Variants in MYO1B observed in about 807,000 individuals in gnomAD.
MYO1B encodes the protein myosin IB, also known as unconventional myosin-Ib.
A neutral mutation model predicts 159.7 loss-of-function variants in MYO1B; 72 were observed. The observed-to-expected ratio is 0.45, with a 90% CI of 0.37 to 0.55. The LOEUF (loss-of-function observed/expected upper bound fraction) is 0.55, where lower values mean the gene tolerates loss of function less well. Ranked by LOEUF, MYO1B falls within the 20% of genes least tolerant of loss-of-function variation. MYO1B has a pLI of 0.00. For synonymous variants in MYO1B, 468 were observed against 473.8 expected, an observed-to-expected ratio of 0.99 and a Z score of 0.16; for missense variants, 1,062 against 1,364.8, an observed-to-expected ratio of 0.78 and a Z score of 3.50.
intron 3 of MYO1B, among the ~76,000 whole-genome samples, chr2:191,318,620 G>A (rs747986369): frequency 1.3e-5 from 2 of 152,162 alleles, no homozygotes; most frequent in African/African-American, 4.8e-5. Flanking sequence ...CTGCAGATAC[G>A]TAGTAATAAA....
chr2:191,400,654 T>G, intron 22 of MYO1B, 95 bp from the exon 23 acceptor site: 1 of 1,432,334 alleles, frequency 7.0e-7, no homozygotes, highest in Non-Finnish European at 9.7e-7. Context: ...CATTTGGTGG[T>G]GACTAGTGTC....
At chr2:191,419,425 A>T (rs1246752282) in intron 30 of MYO1B, among the ~76,000 whole-genome samples, 1 of 151,984 alleles carries the variant, frequency 6.6e-6, no homozygotes, top group African/African-American at 2.4e-5. Flanking sequence ...TCATCGTGTT[A>T]GCCAGGATGG....
intron 3 of MYO1B, among the ~76,000 whole-genome samples, chr2:191,296,713 A>G (rs974581997): frequency 1.3e-5 from 2 of 152,186 alleles, no homozygotes; most frequent in Admixed American, 6.5e-5. Flanking sequence ...CTTACTCTGG[A>G]AAGTCACTTG....
intron 19 of MYO1B, 81 bp downstream of exon 19, chr2:191,392,282 C>T: frequency 5.8e-6 from 6 of 1,036,012 alleles, no homozygotes; most frequent in Non-Finnish European, 8.5e-6. Flanking sequence ...AACTTTATAA[C>T]ATTATATGAG....
chr2:191,362,453 C>A, intron 9 of MYO1B, 82 bp downstream of exon 9: 1 of 1,010,792 alleles, frequency 9.9e-7, no homozygotes, highest in African/African-American at 1.6e-5. Flanking sequence ...TCTGAGTTTT[C>A]TTTAAAGTGT....
At chr2:191,361,335 T>C (rs936637351) in intron 8 of MYO1B, among the ~76,000 whole-genome samples, 1 of 152,132 alleles carries the variant, frequency 6.6e-6, no homozygotes, top group Non-Finnish European at 1.5e-5. Context: ...AGGTGAATAT[T>C]TAAGAATAGT....
At chr2:191,246,224 T>G (rs1395021913) in intron 1 of MYO1B, 6 of 151,916 alleles carry the variant, frequency 3.9e-5, no homozygotes. Flanking sequence ...GGGATGGGAT[T>G]GATTCACGGT....
At chr2:191,348,309 A>G (rs759187381) in intron 6 of MYO1B, among the ~76,000 whole-genome samples, 1 of 152,158 alleles carries the variant, frequency 6.6e-6, no homozygotes, top group Non-Finnish European at 1.5e-5. Context: ...AATCACCATC[A>G]TCATCATACA....
In MYO1B at chr2:191,387,188, A is replaced by G. The variant is rs377450701; in HGVS notation, c.1555-36A>G. 1.2e-4 allele frequency: 194 copies of G among 1,579,318 alleles called. 2 individuals are homozygous for G. In the Admixed American group the frequency reaches 1.5e-3, roughly 13 times the overall value. On this transcript the variant is annotated intron_variant, in intron 16 of 30. Coordinates refer to ENST00000392318, the MANE Select transcript of MYO1B (RefSeq NM_001130158.3). Reference sequence around the variant, plus strand: ...TAGTTGTTTGACATTATAGCATGCAATGTGCCTGTCATTGAGTTACATGTG... The same window carrying G: ...TAGTTGTTTGACATTATAGCATGCAGTGTGCCTGTCATTGAGTTACATGTG...
At chr2:191,261,475 A>G (rs116195307) in intron 1 of MYO1B, among the ~76,000 whole-genome samples, 11,529 of 152,264 alleles carry the variant, frequency 0.076, 1,404 homozygotes, top group African/African-American at 0.26. Flanking sequence ...TACTGGCTCA[A>G]AGCAGTAACC....
intron 1 of MYO1B, among the ~76,000 whole-genome samples, chr2:191,254,623 A>G (rs1686327945): frequency 6.6e-6 from 1 of 151,794 alleles, no homozygotes; most frequent in African/African-American, 2.4e-5. Flanking sequence ...CTCCCACCTC[A>G]GCTTCCCAAG....
intron 11 of MYO1B, among the ~76,000 whole-genome samples, chr2:191,367,272 AG>A (rs1167812293): frequency 6.6e-6 from 1 of 152,164 alleles, no homozygotes; most frequent in Non-Finnish European, 1.5e-5. Context: ...TCAGGAAGTC[AG>A]GGGTGGCACA....
intron 1 of MYO1B, among the ~76,000 whole-genome samples, chr2:191,272,189 GTTC>G (rs1687492139): frequency 6.6e-6 from 1 of 152,184 alleles, no homozygotes; most frequent in Non-Finnish European, 1.5e-5. Context: ...AATATATTTT[GTTC>G]TTCTTGGATG....
chr2:191,311,650 G>A (rs1202183208), intron 3 of MYO1B, among the ~76,000 whole-genome samples: 1 of 152,136 alleles, frequency 6.6e-6, no homozygotes, highest in Non-Finnish European at 1.5e-5. Context: ...TTTCTCATGT[G>A]AATAGCATTA....
intron 3 of MYO1B, among the ~76,000 whole-genome samples, chr2:191,302,256 C>T (rs992989355): frequency 6.6e-6 from 1 of 152,134 alleles, no homozygotes; most frequent in African/African-American, 2.4e-5. Context: ...TTGGTGTCAC[C>T]CTCTTGAATG....
At position 191,413,770 on chromosome 2, in the gene MYO1B, A is replaced by G. The variant is rs571912049; in HGVS notation, c.2874-278A>G. ...TACTTGAGTCTTAGCTGTTGTTCTT[A>G]TGAGTGATTTCTGTCTTGATTGTTC... On this transcript the variant is annotated intron_variant, in intron 27 of 30. Coordinates refer to ENST00000392318, the MANE Select transcript of MYO1B (RefSeq NM_001130158.3). 2.0e-5 allele frequency among the ~76,000 whole-genome samples: 3 copies of G among 152,240 alleles called. No homozygotes were observed. In the South Asian group the frequency reaches 6.2e-4, roughly 32 times the overall value.
intron 21 of MYO1B, among the ~76,000 whole-genome samples, chr2:191,399,627 G>A (rs1210665886): frequency 6.6e-6 from 1 of 152,214 alleles, no homozygotes; most frequent in East Asian, 1.9e-4. Flanking sequence ...GTAGTGCCCA[G>A]GCCTGGAGCC....
At chr2:191,345,493 C>G (rs1052268755) in intron 5 of MYO1B, among the ~76,000 whole-genome samples, 3 of 152,174 alleles carry the variant, frequency 2.0e-5, no homozygotes, top group Admixed American at 6.5e-5. Context: ...GTGTCTGGAC[C>G]AGCGTCAACC....
chr2:191,329,152 G>GGCAA (rs1169937919), intron 3 of MYO1B, among the ~76,000 whole-genome samples: 1 of 152,000 alleles, frequency 6.6e-6, no homozygotes, highest in Non-Finnish European at 1.5e-5. Context: ...AGCTAGAAGG[G>GGCAA]GCAAAATTTA....
Sources: gnomAD v4.1 joint callset for allele counts (sites outside exome capture counted in the v4.1 genomes callset) on GRCh38, gnomAD v4.1.1 for gene constraint, MANE v1.5 for transcripts, NCBI Gene and HGNC (gene_info 2026-07-23, HGNC 2026-07-21) for gene names.